SYNE1: variants seen among roughly 807,000 people sequenced by gnomAD.
SYNE1 encodes spectrin repeat containing nuclear envelope protein 1.
SYNE1 carries 616 observed loss-of-function variants against 1,111.0 expected under a neutral mutation model. The observed-to-expected ratio is 0.55, with a 90% CI of 0.52 to 0.59. The LOEUF is 0.59. Ranked by LOEUF, SYNE1 falls within the 20% of genes least tolerant of loss-of-function variation. The pLI is 0.00. For missense variants in SYNE1, 10,006 were observed against 10,417.0 expected (o/e 0.96, Z 1.72); for synonymous variants, 3,855 against 3,825.8 (o/e 1.01, Z -0.28).
chr6:152,478,105 G>A, intron 14 of SYNE1, among the ~76,000 whole-genome samples: 1 of 152,138 alleles, frequency 6.6e-6, no homozygotes, highest in East Asian at 1.9e-4. Context: ...TATGTGAAAT[G>A]TTTGTGACAG....
At chr6:152,323,880 G>A in intron 81 of SYNE1, 143 bp from the exon 82 acceptor site, 1 of 920,434 alleles carries the variant, frequency 1.1e-6, no homozygotes. Context: ...ACTGGAACCT[G>A]AGCAACCTTC....
chr6:152,186,556 C>CAAAAAAAAAAAAA (rs59187571), intron 128 of SYNE1, among the ~76,000 whole-genome samples: 9 of 38,036 alleles, frequency 2.4e-4, no homozygotes, highest in African/African-American at 5.4e-4. Context: ...AGCTCTGTGT[C>CAAAAAAAAAAAAA]AAAAAAAAAA....
Position 152,294,098 on chromosome 6 carries a change from A to C in SYNE1, c.17712T>G (p.Ala5904=). Residue 5904 remains alanine (A), a synonymous_variant, in exon 94 of 146, where the codon GCT becomes GCG. Transcript: ENST00000367255. ...QDIAYYQALS[A]ERLQTDAAKI... ...TTGCAGCATCTGTCTGCAACCTCTCAGCAGACAAGGCTTGGTAATATGCAA... is the reference window on the plus strand; with the variant it reads ...TTGCAGCATCTGTCTGCAACCTCTCCGCAGACAAGGCTTGGTAATATGCAA... 2 of 1,613,820 alleles carry C rather than the reference A, an allele frequency of 1.2e-6. No individual in the cohort carries two copies. The highest frequency in any genetic ancestry group is 2.2e-5 in the South Asian group (2 of 91,066).
rs749447242 is a variant in SYNE1 at position 152,141,332 on chromosome 6, G to A, written c.25120-3C>T. The A allele has an allele frequency of 8.1e-6, 13 of 1,613,542 alleles. No individual in the cohort carries two copies. The highest frequency in any genetic ancestry group is 1.0e-5 in the Non-Finnish European group (12 of 1,179,812). On this transcript the variant is annotated splice_polypyrimidine_tract_variant and splice_region_variant and intron_variant, in intron 138 of 145. Transcript: ENST00000367255. ...CTGCATTCGCCCAGCAGTTTCATCT[G>A]TTTAGACATAAACAACCGGCCCCTG...
chr6:152,579,900 A>C (rs1317198695), intron 3 of SYNE1, among the ~76,000 whole-genome samples: 1 of 151,980 alleles, frequency 6.6e-6, no homozygotes, highest in Non-Finnish European at 1.5e-5. Context: ...TATGTACCAC[A>C]TTTTCTTTGC....
At position 152,331,290 on chromosome 6, in the gene SYNE1, G is replaced by A. The variant is rs753026711; in HGVS notation, c.13395C>T (p.Ala4465=). ...GCTCATGTTGCTGAATTTGGCTGGTGGCCTGGAACACTGCCATGAGAAACT... is the reference window on the plus strand; with the variant it reads ...GCTCATGTTGCTGAATTTGGCTGGTAGCCTGGAACACTGCCATGAGAAACT... ...KTQFLMAVFQ[A]TSQIQQHERK... The change falls in exon 78 of 146, where the codon GCC becomes GCT. Residue 4465 remains alanine, a synonymous_variant. Transcript: ENST00000367255. 8.1e-6 allele frequency: 13 copies of A among 1,613,976 alleles called. No individual in the cohort carries two copies. Among genetic ancestry groups the A allele is most frequent in the African/African-American group, 1.3e-5 (1 of 74,906 alleles).
chr6:152,509,038 A>G (rs1367189361), intron 8 of SYNE1, among the ~76,000 whole-genome samples: 1 of 152,094 alleles, frequency 6.6e-6, no homozygotes, highest in Non-Finnish European at 1.5e-5. Context: ...AGAGAATCAA[A>G]TTTAGATTAC....
intron 91 of SYNE1, among the ~76,000 whole-genome samples, chr6:152,302,776 T>C (rs1385835795): frequency 6.6e-6 from 1 of 152,254 alleles, no homozygotes; most frequent in Non-Finnish European, 1.5e-5. Flanking sequence ...TTAGTGTCTT[T>C]TAATTTCACT....
chr6:152,144,024 C>T (rs530478260), intron 137 of SYNE1: 59 of 494,234 alleles, frequency 1.2e-4, no homozygotes, highest in African/African-American at 8.0e-4. Context: ...TGAACAGCTT[C>T]GTGCACCTGA....
At chr6:152,605,302 CA>C (rs1187228551) in intron 3 of SYNE1, among the ~76,000 whole-genome samples, 4 of 152,082 alleles carry the variant, frequency 2.6e-5, no homozygotes, top group Admixed American at 1.3e-4. Flanking sequence ...TTCCAGGCAT[CA>C]CATTTTCTAC....
chr6:152,520,786 A>T (rs1403545646), intron 5 of SYNE1, among the ~76,000 whole-genome samples: 2 of 152,194 alleles, frequency 1.3e-5, no homozygotes, highest in Non-Finnish European at 2.9e-5. Flanking sequence ...TTTGCCTTTT[A>T]GTCTTCTGTA....
chr6:152,479,303 GA>G (rs1161725544), intron 14 of SYNE1, among the ~76,000 whole-genome samples: 1 of 152,198 alleles, frequency 6.6e-6, no homozygotes, highest in Non-Finnish European at 1.5e-5. Context: ...AAATCTTCAA[GA>G]AAGGAAGGCA....
rs777427103 is a variant in SYNE1, at chr6:152,463,359, G to C, written c.2091C>G (p.Val697=). ...ATAGACTTGAAAGACATACTTGCTT[G>C]ACTTCCATAAACAACTCCCTCCACC... ...NGRWRELFME[V]KQYAQADEMD... is the part of the protein sequence containing the mutation. Residue 697 remains valine, a synonymous_variant, in exon 19 of 146, where the codon GTC becomes GTG. Coordinates refer to ENST00000367255, the MANE Select transcript of SYNE1 (RefSeq NM_182961.4). The C allele has an allele frequency of 6.2e-7, 1 of 1,613,658 alleles. No homozygotes were observed. The highest frequency in any genetic ancestry group is 8.5e-7 in the Non-Finnish European group (1 of 1,179,712).
At chr6:152,411,886 C>T (rs1200931732) in intron 42 of SYNE1, among the ~76,000 whole-genome samples, 2 of 152,046 alleles carry the variant, frequency 1.3e-5, no homozygotes, top group East Asian at 1.9e-4. Context: ...GCAACTACTT[C>T]GAAAAATAGT....
chr6:152,156,044 G>A lies in SYNE1; in HGVS notation c.23844C>T (p.Asn7948=), dbSNP rs1482602128. 2.5e-6 allele frequency: 4 copies of A among 1,614,050 alleles called. No homozygotes were observed. The South Asian group carries it at 4.4e-5, about 18-fold the overall frequency. The change falls in exon 132 of 146, where the codon AAC becomes AAT. Residue 7948 remains asparagine (N), a synonymous_variant. Coordinates refer to ENST00000367255, the MANE Select transcript of SYNE1 (RefSeq NM_182961.4). ...AGTCGTGCAGCAGGACTTCACACAGGTTGAGGACAGATGCAACACCTGTAC... is the reference window on the plus strand; with the variant it reads ...AGTCGTGCAGCAGGACTTCACACAGATTGAGGACAGATGCAACACCTGTAC... The part of the protein sequence containing the change: ...KHSTGVASVL[N]LCEVLLHDCD...
At chr6:152,144,632 A>T (rs2152840122) in intron 137 of SYNE1, 1 of 152,402 alleles carries the variant, frequency 6.6e-6, no homozygotes, top group Middle Eastern at 3.4e-3. Flanking sequence ...CCTTCTAGAT[A>T]CACCTAGGAG....
chr6:152,630,296 C>T (rs980278690), intron 2 of SYNE1, among the ~76,000 whole-genome samples: 1 of 152,100 alleles, frequency 6.6e-6, no homozygotes, highest in African/African-American at 2.4e-5. Flanking sequence ...CTTCTCTTGG[C>T]TACTTGAAAG....
At chr6:152,344,004 T>A in intron 74 of SYNE1, 77 bp downstream of exon 74, 1 of 1,595,672 alleles carries the variant, frequency 6.3e-7, no homozygotes, top group Non-Finnish European at 8.6e-7. Context: ...GTTTGGCACA[T>A]CATAGGTACT....
intron 3 of SYNE1, among the ~76,000 whole-genome samples, chr6:152,543,813 A>T (rs2099288668): frequency 6.6e-6 from 1 of 152,210 alleles, no homozygotes; most frequent in Non-Finnish European, 1.5e-5. Context: ...CATGTGCTAC[A>T]ATTGCTTACA....
Sources: gnomAD v4.1 joint callset for allele counts (sites outside exome capture counted in the v4.1 genomes callset) on GRCh38, gnomAD v4.1.1 for gene constraint, MANE v1.5 for transcripts, NCBI Gene and HGNC (gene_info 2026-07-23, HGNC 2026-07-21) for gene names.